Variants in FHAD1 observed in about 807,000 individuals in gnomAD.
The protein encoded by FHAD1 is forkhead-associated domain-containing protein 1.
In FHAD1, 146 loss-of-function variants were observed where a neutral mutation model predicts 191.3. The observed-to-expected ratio is 0.76, with a 90% confidence interval of 0.67 to 0.88. The LOEUF is 0.88. Ranked by LOEUF, FHAD1 falls within the 40% of genes least tolerant of loss-of-function variation. The pLI is 0.00. For synonymous variants in FHAD1, 616 were observed against 672.3 expected (o/e 0.92, Z 1.29); for missense variants, 1,635 against 1,785.8 (o/e 0.92, Z 1.52).
chr1:15,252,120 G>A (rs1055802419), intron 2 of FHAD1, among the ~76,000 whole-genome samples: 3 of 152,196 alleles, frequency 2.0e-5, no homozygotes, highest in Non-Finnish European at 2.9e-5. Flanking sequence ...GAACGCATCT[G>A]TCACTGTCCC....
At chr1:15,357,416 A>G (rs1241760118) in intron 20 of FHAD1, among the ~76,000 whole-genome samples, 2 of 152,092 alleles carry the variant, frequency 1.3e-5, no homozygotes, top group Non-Finnish European at 2.9e-5. Flanking sequence ...CGAGGTCAAG[A>G]GATCGAGACC....
At chr1:15,360,384 C>T (rs1157326447) in intron 21 of FHAD1, 94 bp from the exon 22 acceptor site, 10 of 1,120,206 alleles carry the variant, frequency 8.9e-6, no homozygotes, top group Non-Finnish European at 1.3e-5. Flanking sequence ...GGGTGGGGCC[C>T]AGTTTAGCAC....
rs141503927 is a variant in FHAD1 at position 15,366,781 on chromosome 1, G to A, written c.3155-682G>A. Among the ~76,000 whole-genome samples the A allele has an allele frequency of 1.9e-3, 295 of 152,260 alleles. 6 individuals are homozygous for A. In the East Asian group the frequency reaches 0.037, roughly 19 times the overall value. On this transcript the variant is annotated intron_variant, in intron 24 of 33. Coordinates refer to ENST00000688493, the MANE Select transcript of FHAD1 (RefSeq NM_001391957.1). ...GTTCTGGACAGACACAAACAATGCC[G>A]CCTTCATATTCCTGCTTTGTTCCTC...
chr1:15,262,038 C>G (rs1244295090), intron 2 of FHAD1, among the ~76,000 whole-genome samples: 1 of 152,074 alleles, frequency 6.6e-6, no homozygotes, highest in East Asian at 1.9e-4. Context: ...CACACACACA[C>G]CAGTTAATTT....
At chr1:15,265,531 G>A (rs1013581842) in intron 2 of FHAD1, among the ~76,000 whole-genome samples, 1 of 152,178 alleles carries the variant, frequency 6.6e-6, no homozygotes, top group Admixed American at 6.5e-5. Flanking sequence ...GCAGAGGCTT[G>A]TCCCATTTTG....
chr1:15,363,448 C>T (rs960869098), intron 23 of FHAD1, among the ~76,000 whole-genome samples: 2 of 152,236 alleles, frequency 1.3e-5, no homozygotes, highest in African/African-American at 4.8e-5. Flanking sequence ...ACTCAACACT[C>T]CAGCTGTGTG....
Position 15,272,422 on chromosome 1 carries a change from A to T in FHAD1, c.193A>T (p.Asn65Tyr). ...CAATTCCCGCAACGGCACGTTTGTC[A>T]ACGAGTGCCACATTCAAAACGTGGC... The part of the protein sequence containing the change: ...DFNSRNGTFV[N>Y]ECHIQNVAVK... Residue 65 changes from asparagine to tyrosine, a missense_variant, in exon 3 of 34, where the codon AAC becomes TAC. Physicochemically the swap from Asn to Tyr is moderately radical, Grantham distance 143 (BLOSUM62 -2). Coordinates refer to ENST00000688493, the MANE Select transcript of FHAD1 (RefSeq NM_001391957.1). The T allele has an allele frequency of 6.4e-7, 1 of 1,551,704 alleles. No individual in the cohort carries two copies. Among genetic ancestry groups the T allele is most frequent in the Middle Eastern group, 1.7e-4 (1 of 5,954 alleles).
Position 15,329,179 on chromosome 1 carries a change from A to G in FHAD1, c.1711-167A>G. On this transcript the variant is annotated intron_variant, in intron 13 of 33. Coordinates refer to ENST00000688493, the MANE Select transcript of FHAD1 (RefSeq NM_001391957.1). This position sits in a 1 kb window ranked among gnomAD's most constrained non-coding sequence, Gnocchi z 5.0. ...TTAGAGTATTAAAAAAAAACCTGTC[A>G]AAACATAAAAATTTTAAAAAAGAAA... 1.9e-6 allele frequency: 1 copy of G among 539,436 alleles called. No homozygotes were observed. The highest frequency in any genetic ancestry group is 4.0e-5 in the South Asian group (1 of 25,206). 33.4% of individuals were successfully genotyped at this position (539,436 alleles called of 1,614,324 possible). A position where few individuals can be genotyped will look rare whatever the true frequency, so the allele number is the denominator to read the frequency against.
rs150405792 is a variant in FHAD1 at position 15,276,117 on chromosome 1, C to A, written c.300+3588C>A. On this transcript the variant is annotated intron_variant, in intron 3 of 33. Coordinates refer to ENST00000688493, the MANE Select transcript of FHAD1 (RefSeq NM_001391957.1). This position sits in a 1 kb window ranked among gnomAD's most constrained non-coding sequence, Gnocchi z 4.7. ...CACACAGTTCTGCCCTGCTCTTGAC[C>A]AGCTGTGGGATCATGCACAAGTTGC... is the stretch of plus-strand genomic sequence containing the variant. Among the ~76,000 whole-genome samples the A allele has an allele frequency of 8.6e-4, 131 of 152,316 alleles. No homozygotes were observed. The highest frequency in any genetic ancestry group is 3.1e-3 in the African/African-American group (129 of 41,570).
At chr1:15,255,701 G>A (rs1475918640) in intron 2 of FHAD1, among the ~76,000 whole-genome samples, 1 of 152,106 alleles carries the variant, frequency 6.6e-6, no homozygotes, top group Non-Finnish European at 1.5e-5. Context: ...CTAAAGGAAA[G>A]GAATATGGAG....
Position 15,328,044 on chromosome 1 carries a change from AAAAG to A in FHAD1, c.1558-229_1558-226del, listed in dbSNP as rs1272050380. On this transcript the variant is annotated intron_variant, in intron 12 of 33. Coordinates refer to ENST00000688493, the MANE Select transcript of FHAD1 (RefSeq NM_001391957.1). ...GTGAAACTCCGTCGCAAAAAAAAAA[AAAAG>A]AAAAGAAAAAAGAAAAGAGAATCTC... 256 of 260,504 alleles carry A rather than the reference AAAAG, an allele frequency of 9.8e-4. 1 individual carries two copies. Among genetic ancestry groups the A allele is most frequent in the Non-Finnish European group, 1.3e-3 (180 of 139,594 alleles). 16.1% of individuals were successfully genotyped at this position (260,504 alleles called of 1,614,324 possible). A position where few individuals can be genotyped will look rare whatever the true frequency, so the allele number is the denominator to read the frequency against.
intron 26 of FHAD1, among the ~76,000 whole-genome samples, chr1:15,369,742 C>T (rs1697556571): frequency 6.6e-6 from 1 of 152,188 alleles, no homozygotes. Context: ...TCCACGTTCT[C>T]ACATGGTCAA....
In FHAD1 at chr1:15,325,751, C is replaced by T. The variant is rs1482119453; in HGVS notation, c.1473+1192C>T. ...TGGGCAGAGGTCATCCAGGAGGAGC[C>T]CTGGAGGTCCTGAGACTGCTCCAGG... On this transcript the variant is annotated intron_variant, in intron 11 of 33. Transcript: ENST00000688493. This position sits in a 1 kb window ranked among gnomAD's most constrained non-coding sequence, Gnocchi z 4.6. The T allele has an allele frequency of 6.6e-6, 1 of 152,318 alleles. No homozygotes were observed. The highest frequency in any genetic ancestry group is 6.5e-5 in the Admixed American group (1 of 15,278). The allele number at this position is 152,318 out of a possible 1,614,324, so 9.4% of individuals were successfully genotyped here. A position where few individuals can be genotyped will look rare whatever the true frequency, so the allele number is the denominator to read the frequency against.
At position 15,272,369 on chromosome 1, in the gene FHAD1, C is replaced by A. The variant is rs747187763; in HGVS notation, c.140C>A (p.Ala47Glu). 1 of 1,551,706 alleles carries A rather than the reference C, an allele frequency of 6.4e-7. No individual in the cohort carries two copies. Among genetic ancestry groups the A allele is most frequent in the Non-Finnish European group, 8.7e-7 (1 of 1,146,988 alleles). ...CATGCACTCATTGAATATAACGAGG[C>A]GGAGTGCAGCTTTGTTCTCCAGGAC... ...NHHALIEYNE[A>E]ECSFVLQDFN... Residue 47 changes from alanine (A) to glutamate (E), a missense_variant, in exon 3 of 34, where the codon GCG (alanine) becomes GAG (glutamate). By Grantham distance (107) the Ala-to-Glu change is moderately radical (BLOSUM62 -1). Transcript: ENST00000688493.
intron 5 of FHAD1, among the ~76,000 whole-genome samples, chr1:15,299,647 G>A (rs1370579927): frequency 6.6e-6 from 1 of 152,186 alleles, no homozygotes; most frequent in Admixed American, 6.5e-5. Flanking sequence ...GGAAGTCACA[G>A]GGTCCCCACC....
At chr1:15,402,104 G>A (rs1289633022), downstream of FHAD1, among the ~76,000 whole-genome samples, 15 of 152,128 alleles carry the variant, frequency 9.9e-5, no homozygotes, top group Admixed American at 9.8e-4. Context: ...GCTAACTGTG[G>A]TCTTATCATC....
chr1:15,269,194 TTCTG>T lies in FHAD1; in HGVS notation c.94-3125_94-3122del, dbSNP rs751453236. Among the ~76,000 whole-genome samples the T allele has an allele frequency of 4.6e-5, 7 of 152,166 alleles. No individual in the cohort carries two copies. In the South Asian group the frequency reaches 6.2e-4, roughly 13 times the overall value. On this transcript the variant is annotated intron_variant, in intron 2 of 33. Coordinates refer to ENST00000688493, the MANE Select transcript of FHAD1 (RefSeq NM_001391957.1). ...TCTGATCTAATATTTCTTTCAGTTC[TTCTG>T]TCTATGTTAGGCTTATACTGCTCTT...
At chr1:15,360,076 G>A (rs1002087054) in intron 21 of FHAD1, among the ~76,000 whole-genome samples, 4 of 152,222 alleles carry the variant, frequency 2.6e-5, no homozygotes, top group Admixed American at 6.5e-5. Flanking sequence ...TAGTGCCACT[G>A]CACTCTAATG....
Position 15,316,461 on chromosome 1 carries a change from C to T in FHAD1, c.1254C>T (p.Cys418=), listed in dbSNP as rs1172842973. 3 of 1,551,594 alleles carry T rather than the reference C, an allele frequency of 1.9e-6. No homozygotes were observed. Among genetic ancestry groups the T allele is most frequent in the Middle Eastern group, 1.7e-4 (1 of 5,992 alleles). Reference sequence around the variant, plus strand: ...CCCAGGAGAAAGAGTTAAAACTCTGCAAAACCGTGAGTTGAGCTTCCTCCT... The same window carrying T: ...CCCAGGAGAAAGAGTTAAAACTCTGTAAAACCGTGAGTTGAGCTTCCTCCT... The part of the protein sequence containing the change: ...REAQEKELKL[C]KTQIQDMEKE... The change falls in exon 9 of 34, where the codon TGC becomes TGT. Residue 418 remains cysteine (C), a synonymous_variant. Transcript: ENST00000688493. The surrounding 1 kb of genome is among the most constrained non-coding windows in gnomAD (Gnocchi z 4.3).
Sources: gnomAD v4.1 joint callset for allele counts (sites outside exome capture counted in the v4.1 genomes callset) on GRCh38, gnomAD v4.1.1 for gene constraint, Gnocchi (gnomAD v3.1) non-coding constraint, MANE v1.5 for transcripts, NCBI Gene and HGNC (gene_info 2026-07-23, HGNC 2026-07-21) for gene names.